The following TRIO variants were observed in gnomAD, a reference collection of about 807,000 sequenced individuals.
TRIO encodes the protein triple functional domain protein.
Under a neutral mutation model 351.9 loss-of-function variants are expected in TRIO, and 58 were observed. That is an observed-to-expected ratio of 0.16 (90% confidence interval 0.13 to 0.21). TRIO has a LOEUF of 0.21. Ranked by LOEUF, TRIO falls within the 10% of genes least tolerant of loss-of-function variation. The probability of loss-of-function intolerance (pLI) is 1.00; values close to 1 mark genes in which losing one functional copy is unlikely to be tolerated. For synonymous variants in TRIO, 1,758 were observed against 1,595.7 expected, an observed-to-expected ratio of 1.10 and a Z score of -2.42; for missense variants, 3,201 against 4,027.8, an observed-to-expected ratio of 0.79 and a Z score of 5.56.
intron 9 of TRIO, among the ~76,000 whole-genome samples, chr5:14,321,365 G>A (rs949190226): frequency 1.5e-4 from 23 of 152,352 alleles, no homozygotes; most frequent in African/African-American, 5.1e-4. Flanking sequence ...TGGCCCCCAC[G>A]ATGAGGGTTT....
chr5:14,489,065 C>T (rs759384768), intron 48 of TRIO: 2 of 765,232 alleles, frequency 2.6e-6, no homozygotes, highest in Admixed American at 1.7e-5. Flanking sequence ...TTCCTGAAGG[C>T]ATGCGTGAGT....
At chr5:14,268,592 C>T (rs937109555) in intron 1 of TRIO, among the ~76,000 whole-genome samples, 2 of 152,184 alleles carry the variant, frequency 1.3e-5, no homozygotes, top group African/African-American at 4.8e-5. Flanking sequence ...CATGCGTTTT[C>T]TCATCTGAGC....
At chr5:14,276,064 T>G (rs1460483865) in intron 2 of TRIO, among the ~76,000 whole-genome samples, 1 of 151,442 alleles carries the variant, frequency 6.6e-6, no homozygotes, top group Non-Finnish European at 1.5e-5. Flanking sequence ...TTTTTTTTCT[T>G]TTAGAATAGC....
intron 1 of TRIO, among the ~76,000 whole-genome samples, chr5:14,192,816 A>T (rs933280144): frequency 6.6e-6 from 1 of 152,232 alleles, no homozygotes; most frequent in Admixed American, 6.5e-5. Context: ...AAAATAAAAA[A>T]TTCTTAAATC....
intron 1 of TRIO, among the ~76,000 whole-genome samples, chr5:14,242,448 A>C (rs1171484415): frequency 6.6e-6 from 1 of 152,350 alleles, no homozygotes; most frequent in Non-Finnish European, 1.5e-5. Context: ...ATTAAAATTG[A>C]TAGACTTTTT....
chr5:14,172,574 G>C (rs1293300777), intron 1 of TRIO, among the ~76,000 whole-genome samples: 1 of 152,210 alleles, frequency 6.6e-6, no homozygotes, highest in African/African-American at 2.4e-5. Flanking sequence ...TAACCAGGCA[G>C]AAACACATTT....
intron 48 of TRIO, among the ~76,000 whole-genome samples, chr5:14,491,387 C>T (rs1365644918): frequency 2.0e-5 from 3 of 152,212 alleles, no homozygotes; most frequent in Non-Finnish European, 4.4e-5. Flanking sequence ...CTTGGGAACC[C>T]ATGAACATCC....
At position 14,461,233 on chromosome 5, in the gene TRIO, C is replaced by G; in HGVS notation, c.5418C>G (p.Val1806=). Residue 1806 remains valine, a synonymous_variant, in exon 35 of 57, where the codon GTC becomes GTG. Coordinates refer to ENST00000344204, the MANE Select transcript of TRIO (RefSeq NM_007118.4). ...LAHKHKKSRE[V]RKSADAGSQK... ...ACAAGCACAAGAAGAGCCGCGAGGT[C>G]CGCAAGAGCGCCGACGCCGGCTCGC... is the stretch of plus-strand genomic sequence containing the variant. The G allele has an allele frequency of 6.3e-7, 1 of 1,585,592 alleles. No homozygotes were observed. The highest frequency in any genetic ancestry group is 8.6e-7 in the Non-Finnish European group (1 of 1,167,146).
intron 3 of TRIO, among the ~76,000 whole-genome samples, chr5:14,281,859 T>C (rs190014573): frequency 6.6e-6 from 1 of 152,170 alleles, no homozygotes; most frequent in Non-Finnish European, 1.5e-5. Flanking sequence ...AAGAGAATGA[T>C]GTAAGATGGT....
intron 33 of TRIO, among the ~76,000 whole-genome samples, chr5:14,413,522 C>T (rs1163066283): frequency 3.9e-5 from 6 of 152,212 alleles, no homozygotes; most frequent in African/African-American, 1.2e-4. Context: ...TGATGGGTTC[C>T]GTGTGACGTC....
intron 13 of TRIO, among the ~76,000 whole-genome samples, chr5:14,362,004 C>T (rs989827964): frequency 5.3e-5 from 8 of 152,142 alleles, no homozygotes; most frequent in African/African-American, 1.4e-4. Flanking sequence ...CTCCCAGCTA[C>T]TTGGGAGACT....
At position 14,316,734 on chromosome 5, in the gene TRIO, C is replaced by T. The variant is rs371966763; in HGVS notation, c.1722C>T (p.Asp574=). The T allele has an allele frequency of 2.4e-4, 383 of 1,613,248 alleles. No individual in the cohort carries two copies. The highest frequency in any genetic ancestry group is 3.1e-4 in the Non-Finnish European group (361 of 1,179,606). The change falls in exon 9 of 57, where the codon GAC becomes GAT. Residue 574 remains aspartate, a synonymous_variant. Coordinates refer to ENST00000344204, the MANE Select transcript of TRIO (RefSeq NM_007118.4). ...QRLQLCVFQQ[D]VQQVLDWIEN... is the part of the protein sequence containing the mutation. ...TGCAGCTGTGTGTTTTCCAGCAGGA[C>T]GTTCAGCAGGTCAGTTTCGCCTCAT...
At chr5:14,455,980 T>C (rs1337559122) in intron 34 of TRIO, among the ~76,000 whole-genome samples, 1 of 152,244 alleles carries the variant, frequency 6.6e-6, no homozygotes, top group Admixed American at 6.5e-5. Flanking sequence ...GGCTTGGGCA[T>C]GGTGGGCTGC....
intron 34 of TRIO, among the ~76,000 whole-genome samples, chr5:14,452,126 A>G (rs1752888780): frequency 6.6e-6 from 1 of 152,254 alleles, no homozygotes; most frequent in Admixed American, 6.5e-5. Flanking sequence ...GAGGGCTGCC[A>G]GTCACAGCAG....
chr5:14,232,340 C>A (rs527365067), intron 1 of TRIO, among the ~76,000 whole-genome samples: 1 of 152,180 alleles, frequency 6.6e-6, no homozygotes. Context: ...AAATTCTAAT[C>A]ATCATTTAAG....
chr5:14,292,495 T>G (rs753060007), intron 5 of TRIO, among the ~76,000 whole-genome samples: 11 of 152,260 alleles, frequency 7.2e-5, no homozygotes, highest in Admixed American at 2.6e-4. Context: ...CCACCTTTTT[T>G]ATAGTAAATT....
At chr5:14,392,161 G>T (rs1281069734) in intron 27 of TRIO, among the ~76,000 whole-genome samples, 1 of 152,044 alleles carries the variant, frequency 6.6e-6, no homozygotes, top group African/African-American at 2.4e-5. Flanking sequence ...CCAACAGAAT[G>T]GGAGGAAATT....
intron 10 of TRIO, among the ~76,000 whole-genome samples, chr5:14,333,609 C>G (rs991625057): frequency 1.3e-5 from 2 of 152,142 alleles, no homozygotes; most frequent in African/African-American, 4.8e-5. Flanking sequence ...CTTCTTTTTC[C>G]TATCTGTTCT....
At chr5:14,248,065 CAAA>C (rs71599612) in intron 1 of TRIO, among the ~76,000 whole-genome samples, 2 of 132,380 alleles carry the variant, frequency 1.5e-5, no homozygotes, top group Non-Finnish European at 1.6e-5. Flanking sequence ...GACTCCGTCT[CAAA>C]AAAAAAAAAA....
Sources: allele counts gnomAD v4.1 joint callset (sites outside exome capture counted in the v4.1 genomes callset), GRCh38; gene constraint gnomAD v4.1.1; transcripts MANE v1.5; gene names NCBI Gene and HGNC (gene_info 2026-07-23, HGNC 2026-07-21).